Variants in GABRB2 observed in about 807,000 individuals in gnomAD.
GABRB2 encodes gamma-aminobutyric acid receptor subunit beta-2.
In GABRB2, 16 loss-of-function variants were observed where a neutral mutation model predicts 54.7. The observed-to-expected ratio is 0.29, with a 90% CI of 0.20 to 0.44. The LOEUF (loss-of-function observed/expected upper bound fraction) is 0.44. Among genes scored for constraint, GABRB2 ranks in the 20% least tolerant of loss-of-function variants. GABRB2 has a pLI of 1.00. For missense variants in GABRB2, 355 were observed against 644.0 expected, an observed-to-expected ratio of 0.55 and a Z score of 4.86; for synonymous variants, 244 against 233.8, an observed-to-expected ratio of 1.04 and a Z score of -0.40.
intron 3 of GABRB2, among the ~76,000 whole-genome samples, chr5:161,496,467 G>A (rs1220459491): frequency 6.7e-6 from 1 of 150,204 alleles, no homozygotes; most frequent in Non-Finnish European, 1.5e-5. Flanking sequence ...TGTTATACAT[G>A]ATAAATATAT....
chr5:161,341,683 T>C (rs1259923497), intron 5 of GABRB2, among the ~76,000 whole-genome samples: 1 of 151,578 alleles, frequency 6.6e-6, no homozygotes, highest in Non-Finnish European at 1.5e-5. Flanking sequence ...AGAAATACCA[T>C]TTTAAAACAT....
intron 5 of GABRB2, among the ~76,000 whole-genome samples, chr5:161,406,634 C>G (rs1196518196): frequency 6.6e-6 from 1 of 151,994 alleles, no homozygotes; most frequent in East Asian, 1.9e-4. Flanking sequence ...TCATAACAAT[C>G]TCCTGTGTTA....
At chr5:161,525,539 A>C (rs988535123) in intron 3 of GABRB2, among the ~76,000 whole-genome samples, 1 of 151,292 alleles carries the variant, frequency 6.6e-6, no homozygotes, top group African/African-American at 2.4e-5. Context: ...ATCAAATCAG[A>C]AGCCTGAAAT....
chr5:161,377,462 C>G (rs192920329), intron 5 of GABRB2, among the ~76,000 whole-genome samples: 25 of 152,118 alleles, frequency 1.6e-4, no homozygotes, highest in Non-Finnish European at 3.2e-4. Context: ...ACCTGTATTA[C>G]TGAGAAAAGA....
At chr5:161,514,147 T>C (rs1205833589) in intron 3 of GABRB2, among the ~76,000 whole-genome samples, 1 of 152,156 alleles carries the variant, frequency 6.6e-6, no homozygotes, top group African/African-American at 2.4e-5. Flanking sequence ...GCTCATCACC[T>C]GACACTTTTG....
chr5:161,469,414 G>A (rs1758371525), intron 3 of GABRB2, among the ~76,000 whole-genome samples: 1 of 151,562 alleles, frequency 6.6e-6, no homozygotes, highest in Non-Finnish European at 1.5e-5. Flanking sequence ...AAAAGTAAGA[G>A]CACCAATTGT....
rs1170651697 is a variant in GABRB2 at position 161,291,482 on chromosome 5, G to A, written c.*2599C>T. 1 of 152,190 alleles carries A rather than the reference G, an allele frequency of 6.6e-6. No individual in the cohort carries two copies. Among genetic ancestry groups the A allele is most frequent in the African/African-American group, 2.4e-5 (1 of 41,432 alleles). The allele number at this position is 152,190 out of a possible 1,614,324, so 9.4% of individuals were successfully genotyped here. ...CTACATCTACTGTTATTTCTGGAGA[G>A]GCTGAGTCAGTTGTTTCTATCTCTG... On this transcript the variant is annotated 3_prime_UTR_variant, in exon 10 of 10. Transcript: ENST00000393959.
chr5:161,401,321 C>T, intron 5 of GABRB2, among the ~76,000 whole-genome samples: 1 of 152,092 alleles, frequency 6.6e-6, no homozygotes, highest in Non-Finnish European at 1.5e-5. Context: ...TTTGCAAATA[C>T]AAAAATAACT....
In GABRB2 at chr5:161,307,252, C is replaced by G. The variant is rs1757715660; in HGVS notation, c.1192-12824G>C. Among the ~76,000 whole-genome samples the G allele has an allele frequency of 2.0e-5, 3 of 152,268 alleles. No individual in the cohort carries two copies. In the South Asian group the frequency reaches 6.2e-4, roughly 32 times the overall value. On this transcript the variant is annotated intron_variant, in intron 9 of 9. Coordinates refer to ENST00000393959, the MANE Select transcript of GABRB2 (RefSeq NM_001371727.1). ...CCCCATTATAGCAATGTAGGCACTT[C>G]CTTCACTGCTCTTATTTCCATTTAT...
chr5:161,414,035 A>G (rs1756593244), intron 4 of GABRB2, among the ~76,000 whole-genome samples: 1 of 152,208 alleles, frequency 6.6e-6, no homozygotes, highest in African/African-American at 2.4e-5. Context: ...TGTTTTCCTC[A>G]CAAACACATT....
intron 5 of GABRB2, among the ~76,000 whole-genome samples, chr5:161,376,255 G>A (rs1189465479): frequency 6.6e-6 from 1 of 152,090 alleles, no homozygotes; most frequent in Non-Finnish European, 1.5e-5. Context: ...ACATGTGATG[G>A]GTTGATGGAC....
At chr5:161,466,151 T>C (rs1758270053) in intron 3 of GABRB2, among the ~76,000 whole-genome samples, 1 of 152,058 alleles carries the variant, frequency 6.6e-6, no homozygotes, top group African/African-American at 2.4e-5. Context: ...TAGATTGAGA[T>C]TATACCATTT....
At chr5:161,532,943 T>A (rs1243305728) in intron 3 of GABRB2, among the ~76,000 whole-genome samples, 1 of 152,170 alleles carries the variant, frequency 6.6e-6, no homozygotes, top group East Asian at 1.9e-4. Context: ...ACATCTCCTG[T>A]TTTTCTCTGT....
intron 3 of GABRB2, among the ~76,000 whole-genome samples, chr5:161,478,982 A>G (rs1312368521): frequency 6.6e-6 from 1 of 152,068 alleles, no homozygotes; most frequent in African/African-American, 2.4e-5. Context: ...GACATTTTAA[A>G]ATAAGTACAT....
In GABRB2 at chr5:161,518,116, A is replaced by AT. The variant is rs528976765; in HGVS notation, c.237+27110dup. ...AGCCACTGCACCTGGCCAATTTCTGATTTTTTCATGAGAGAATGCTGAGGT... is the reference window on the plus strand; with the variant it reads ...AGCCACTGCACCTGGCCAATTTCTGATTTTTTTCATGAGAGAATGCTGAGGT... On this transcript the variant is annotated intron_variant, in intron 3 of 9. Transcript: ENST00000393959. Among the ~76,000 whole-genome samples, 26 of 152,090 alleles carry AT rather than the reference A, an allele frequency of 1.7e-4. No homozygotes were observed. In the South Asian group the frequency reaches 5.2e-3, roughly 30 times the overall value.
chr5:161,400,078 A>G (rs1274186070), intron 5 of GABRB2, among the ~76,000 whole-genome samples: 1 of 152,218 alleles, frequency 6.6e-6, no homozygotes, highest in Non-Finnish European at 1.5e-5. Context: ...AAAGAAAAAT[A>G]TCTTCAAGCA....
chr5:161,310,982 G>C lies in GABRB2; in HGVS notation c.1191+15386C>G, dbSNP rs149798093. Among the ~76,000 whole-genome samples, 3 of 152,042 alleles carry C rather than the reference G, an allele frequency of 2.0e-5. No homozygotes were observed. In the East Asian group the frequency reaches 5.8e-4, roughly 30 times the overall value. ...TCACCGTGTTAGCCAAGATGGTCTC[G>C]ATCTCCTCACCTCGTGATCTGCCCG... On this transcript the variant is annotated intron_variant, in intron 9 of 9. Coordinates refer to ENST00000393959, the MANE Select transcript of GABRB2 (RefSeq NM_001371727.1).
intron 4 of GABRB2, among the ~76,000 whole-genome samples, chr5:161,430,472 A>G (rs921728074): frequency 1.3e-5 from 2 of 152,148 alleles, no homozygotes; most frequent in African/African-American, 4.8e-5. Flanking sequence ...CTACCCAGTC[A>G]CTTAGACTTG....
intron 5 of GABRB2, among the ~76,000 whole-genome samples, chr5:161,387,672 A>AC (rs1755688564): frequency 1.3e-5 from 2 of 152,112 alleles, no homozygotes; most frequent in African/African-American, 2.4e-5. Flanking sequence ...GATCTGAGAG[A>AC]CCCCATCTTT....
Sources: gnomAD v4.1 joint callset for allele counts (sites outside exome capture counted in the v4.1 genomes callset) on GRCh38, gnomAD v4.1.1 for gene constraint, MANE v1.5 for transcripts, NCBI Gene and HGNC (gene_info 2026-07-23, HGNC 2026-07-21) for gene names.